C9orf153: variants seen among roughly 807,000 people sequenced by gnomAD.
C9orf153 encodes the protein uncharacterized protein C9orf153.
In C9orf153, 10 loss-of-function variants were observed where a neutral mutation model predicts 9.0. That is an observed-to-expected ratio of 1.11 (90% confidence interval 0.69 to 1.89). The LOEUF is 1.89. Ranked by LOEUF, C9orf153 falls within the 40% of genes most tolerant of loss-of-function variation. C9orf153 has a pLI of 0.00. For synonymous variants in C9orf153, 35 were observed against 37.3 expected, an observed-to-expected ratio of 0.94 and a Z score of 0.23; for missense variants, 108 against 111.0, an observed-to-expected ratio of 0.97 and a Z score of 0.12.
rs893318749 is a variant in C9orf153 at position 86,250,469 on chromosome 9, C to A, written c.-27+9081G>T. On this transcript the variant is annotated intron_variant, in intron 1 of 3. Transcript: ENST00000339137. ...GGGCCATATTTTGGGGTATTGGTTT[C>A]TGAGCCCCAACAGTACCATATTTAT... Among the ~76,000 whole-genome samples the A allele has an allele frequency of 3.3e-5, 5 of 152,192 alleles. 1 individual carries two copies. The highest frequency in any genetic ancestry group is 2.6e-4 in the Admixed American group (4 of 15,268).
chr9:86,244,549 C>G (rs1319036228), intron 1 of C9orf153, among the ~76,000 whole-genome samples: 2 of 152,192 alleles, frequency 1.3e-5, no homozygotes, highest in South Asian at 2.1e-4. Context: ...CTAAATAGAT[C>G]TAAAAGAGCT....
chr9:86,234,236 C>T (rs762827897), intron 1 of C9orf153, among the ~76,000 whole-genome samples: 12 of 152,186 alleles, frequency 7.9e-5, no homozygotes, highest in Non-Finnish European at 1.6e-4. Context: ...TCTGATTTCC[C>T]ATTTAGTCAG....
intron 1 of C9orf153, among the ~76,000 whole-genome samples, chr9:86,246,509 G>GC (rs1824866587): frequency 6.6e-6 from 1 of 152,082 alleles, no homozygotes; most frequent in Non-Finnish European, 1.5e-5. Flanking sequence ...GACCCTCGGG[G>GC]CCGCAAGCAG....
intron 1 of C9orf153, among the ~76,000 whole-genome samples, chr9:86,251,828 T>TA (rs1824999802): frequency 6.6e-6 from 1 of 151,912 alleles, no homozygotes; most frequent in Non-Finnish European, 1.5e-5. Flanking sequence ...GATGCAAAGG[T>TA]AAAATTCGTT....
intron 3 of C9orf153, among the ~76,000 whole-genome samples, chr9:86,225,649 CG>C (rs983601132): frequency 9.9e-5 from 15 of 152,082 alleles, no homozygotes; most frequent in African/African-American, 3.4e-4. Context: ...TTAGTAGAGA[CG>C]GGGTTTCACC....
At chr9:86,241,826 A>T (rs534889015) in intron 1 of C9orf153, among the ~76,000 whole-genome samples, 1 of 152,070 alleles carries the variant, frequency 6.6e-6, no homozygotes, top group African/African-American at 2.4e-5. Context: ...GGACTTCACC[A>T]TGTTGGTCAG....
intron 1 of C9orf153, among the ~76,000 whole-genome samples, chr9:86,245,448 C>T (rs1587807544): frequency 2.0e-5 from 3 of 152,284 alleles, no homozygotes; most frequent in South Asian, 2.1e-4. Context: ...CACCATTCTG[C>T]GTTCTGTCTC....
intron 3 of C9orf153, chr9:86,227,175 C>A (rs1824355656): frequency 3.4e-6 from 2 of 590,016 alleles, no homozygotes; most frequent in Non-Finnish European, 4.8e-6. Flanking sequence ...GAGACAGGGT[C>A]TTGCTCTGTT....
intron 3 of C9orf153, among the ~76,000 whole-genome samples, chr9:86,222,304 G>C (rs1044444493): frequency 6.6e-6 from 1 of 152,084 alleles, no homozygotes; most frequent in Admixed American, 6.6e-5. Context: ...GCAGAGCCCC[G>C]GCAGGTGGAC....
chr9:86,256,793 T>G (rs957323886), intron 1 of C9orf153, among the ~76,000 whole-genome samples: 8 of 152,224 alleles, frequency 5.3e-5, no homozygotes, highest in Admixed American at 3.9e-4. Flanking sequence ...AGTTGCACAA[T>G]GTGACCCTCA....
At chr9:86,223,667 C>A (rs1211121669) in intron 3 of C9orf153, among the ~76,000 whole-genome samples, 1 of 152,124 alleles carries the variant, frequency 6.6e-6, no homozygotes, top group Non-Finnish European at 1.5e-5. Context: ...AGAAAGAAAT[C>A]ACTTAAGGAG....
chr9:86,238,336 A>G (rs2131189246), intron 1 of C9orf153, among the ~76,000 whole-genome samples: 1 of 152,282 alleles, frequency 6.6e-6, no homozygotes, highest in Non-Finnish European at 1.5e-5. Context: ...CAGATTACAC[A>G]TTCTTCTCAA....
chr9:86,234,944 CTCT>C (rs1824548292), intron 1 of C9orf153, among the ~76,000 whole-genome samples: 1 of 152,156 alleles, frequency 6.6e-6, no homozygotes, highest in African/African-American at 2.4e-5. Flanking sequence ...GTACCAGCAA[CTCT>C]TCTTAGATCT....
chr9:86,222,887 G>A (rs1824237689), intron 3 of C9orf153, among the ~76,000 whole-genome samples: 1 of 152,124 alleles, frequency 6.6e-6, no homozygotes, highest in Non-Finnish European at 1.5e-5. Context: ...TCCAAAGACT[G>A]AGCAGGCACC....
At position 86,228,014 on chromosome 9, in the gene C9orf153, G is replaced by T. The variant is rs1371924207; in HGVS notation, c.83C>A (p.Ala28Glu). The T allele has an allele frequency of 1.9e-6, 3 of 1,604,870 alleles. No homozygotes were observed. The South Asian group carries it at 3.4e-5, about 18-fold the overall frequency. Residue 28 changes from alanine (A) to glutamate (E), a missense_variant, in exon 3 of 4, where the codon GCA becomes GAA. Physicochemically the swap from Ala to Glu is moderately radical, Grantham distance 107. Transcript: ENST00000339137. ...CTCCTTATTAAAATTCTCAATACAT[G>T]CATATAATTCTGGAAGCTGTGGACA... Reference protein sequence around the residue: ...LPQCSLPELYACIENFNKESK... With the variant: ...LPQCSLPELYECIENFNKESK...
intron 1 of C9orf153, among the ~76,000 whole-genome samples, chr9:86,249,642 G>C (rs1353028750): frequency 6.6e-6 from 1 of 150,810 alleles, no homozygotes; most frequent in South Asian, 2.1e-4. Flanking sequence ...TCCATCTCCC[G>C]AGTTCAAGCA....
At chr9:86,227,012 C>T (rs11141305) in intron 3 of C9orf153, among the ~76,000 whole-genome samples, 3,326 of 152,218 alleles carry the variant, frequency 0.022, 59 homozygotes, top group South Asian at 0.043. Flanking sequence ...GTGATCTGCC[C>T]GCCTCGGTCT....
chr9:86,250,998 A>C (rs2131204946), intron 1 of C9orf153, among the ~76,000 whole-genome samples: 1 of 152,282 alleles, frequency 6.6e-6, no homozygotes, highest in Non-Finnish European at 1.5e-5. Context: ...GGCTCAGGCA[A>C]TCCTCCTGCC....
chr9:86,238,703 C>T (rs1356971896), intron 1 of C9orf153, among the ~76,000 whole-genome samples: 1 of 151,648 alleles, frequency 6.6e-6, no homozygotes, highest in Non-Finnish European at 1.5e-5. Context: ...GAAGTAATTC[C>T]AAGTTGAATG....
Sources: gnomAD v4.1 joint callset for allele counts (sites outside exome capture counted in the v4.1 genomes callset) on GRCh38, gnomAD v4.1.1 for gene constraint, MANE v1.5 for transcripts, NCBI Gene and HGNC (gene_info 2026-07-23, HGNC 2026-07-21) for gene names.